ASTN2: variants seen among roughly 807,000 people sequenced by gnomAD.
The protein encoded by ASTN2 is astrotactin-2.
A neutral mutation model predicts 139.8 loss-of-function variants in ASTN2; 54 were observed. That is an observed-to-expected ratio of 0.39 (90% CI 0.31 to 0.48). ASTN2 has a LOEUF of 0.48. Among genes scored for constraint, ASTN2 ranks in the 20% least tolerant of loss-of-function variants. The probability of loss-of-function intolerance (pLI) is 0.95; values close to 1 mark genes in which losing one functional copy is unlikely to be tolerated. For missense variants in ASTN2, 1,565 were observed against 1,725.1 expected (o/e 0.91, Z 1.64); for synonymous variants, 756 against 719.5 (o/e 1.05, Z -0.81).
At chr9:117,046,696 A>T (rs1351749147) in intron 5 of ASTN2, among the ~76,000 whole-genome samples, 4 of 152,152 alleles carry the variant, frequency 2.6e-5, no homozygotes, top group African/African-American at 9.7e-5. Context: ...CAATGCCTTT[A>T]ATTGGGAATT....
chr9:116,993,928 G>A (rs1055249598), intron 7 of ASTN2, among the ~76,000 whole-genome samples: 7 of 148,142 alleles, frequency 4.7e-5, no homozygotes, highest in African/African-American at 9.9e-5. Context: ...CCCCTGCCCC[G>A]CAAGAATGTA....
chr9:117,128,149 AGTTAGTCCATCAGAAATCAGGGT>A (rs1402421971), intron 4 of ASTN2, among the ~76,000 whole-genome samples: 2 of 152,070 alleles, frequency 1.3e-5, no homozygotes, highest in Non-Finnish European at 2.9e-5. Flanking sequence ...GTGTGGCAAC[AGTTAGTCCATCAGAAATCAGGGT>A]CTGACATTCT....
At chr9:116,708,057 A>G (rs1320525393) in intron 16 of ASTN2, among the ~76,000 whole-genome samples, 1 of 152,176 alleles carries the variant, frequency 6.6e-6, no homozygotes, top group Non-Finnish European at 1.5e-5. Flanking sequence ...CAGCTTGCCA[A>G]AATGGGACGG....
intron 2 of ASTN2, among the ~76,000 whole-genome samples, chr9:117,264,452 C>G (rs1347222092): frequency 6.6e-6 from 1 of 152,162 alleles, no homozygotes; most frequent in Non-Finnish European, 1.5e-5. Context: ...CTTCCTCATA[C>G]CACTGTTATA....
chr9:116,906,464 CTT>C (rs1834164465), intron 10 of ASTN2, among the ~76,000 whole-genome samples: 3 of 152,026 alleles, frequency 2.0e-5, no homozygotes, highest in African/African-American at 7.2e-5. Flanking sequence ...CCCCCAGACA[CTT>C]TTGTCTTTCC....
At chr9:116,840,231 T>C (rs1324971825) in intron 11 of ASTN2, among the ~76,000 whole-genome samples, 88 of 149,470 alleles carry the variant, frequency 5.9e-4, no homozygotes, top group African/African-American at 1.9e-3. Flanking sequence ...GGCAGAACAA[T>C]TTTTCTTAGT....
intron 3 of ASTN2, among the ~76,000 whole-genome samples, chr9:117,171,660 A>C (rs1830796834): frequency 6.6e-6 from 1 of 151,984 alleles, no homozygotes; most frequent in Non-Finnish European, 1.5e-5. Context: ...TGGTTTTACA[A>C]GGGGCTCTTC....
chr9:117,220,827 C>G (rs7041533), intron 2 of ASTN2, among the ~76,000 whole-genome samples: 7,496 of 152,208 alleles, frequency 0.049, 353 homozygotes, highest in African/African-American at 0.13. Flanking sequence ...AAGGCACTGC[C>G]CTTGACCTCT....
chr9:117,259,026 A>T (rs1308373768), intron 2 of ASTN2, among the ~76,000 whole-genome samples: 2 of 152,180 alleles, frequency 1.3e-5, no homozygotes, highest in Non-Finnish European at 2.9e-5. Flanking sequence ...ATACAAAATA[A>T]TAAAAATAGC....
In ASTN2 at chr9:116,423,445, C is replaced by T. The variant is rs186950051; in HGVS notation, c.*2406G>A. Among the ~76,000 whole-genome samples, 342 of 152,268 alleles carry T rather than the reference C, an allele frequency of 2.2e-3. 1 individual carries two copies. The highest frequency in any genetic ancestry group is 7.8e-3 in the African/African-American group (326 of 41,562). Reference sequence around the variant, plus strand: ...TCAGGCTCAGATCACCACACCAGCACATTGAGTGCTGTAATTTTCTGCAAC... The same window carrying T: ...TCAGGCTCAGATCACCACACCAGCATATTGAGTGCTGTAATTTTCTGCAAC... On this transcript the variant is annotated 3_prime_UTR_variant, in exon 23 of 23. Transcript: ENST00000313400.
At chr9:116,918,802 T>C (rs1296248839) in intron 10 of ASTN2, among the ~76,000 whole-genome samples, 1 of 152,204 alleles carries the variant, frequency 6.6e-6, no homozygotes, top group Non-Finnish European at 1.5e-5. Context: ...GATTACAGTC[T>C]TATAAACATA....
chr9:116,905,727 G>A (rs536134531), intron 10 of ASTN2, among the ~76,000 whole-genome samples: 4 of 152,128 alleles, frequency 2.6e-5, no homozygotes, highest in Non-Finnish European at 5.9e-5. Context: ...AACCTGGAAG[G>A]TGAGGCTCAA....
At chr9:117,192,278 G>T (rs1831369969) in intron 3 of ASTN2, among the ~76,000 whole-genome samples, 1 of 152,030 alleles carries the variant, frequency 6.6e-6, no homozygotes, top group Admixed American at 6.6e-5. Context: ...GCAGAGGCAG[G>T]GTCTGGTCCA....
At chr9:116,465,623 A>G (rs1848626913) in intron 20 of ASTN2, among the ~76,000 whole-genome samples, 1 of 152,190 alleles carries the variant, frequency 6.6e-6, no homozygotes, top group Non-Finnish European at 1.5e-5. Context: ...ATAATAAATA[A>G]TAACAATACA....
At chr9:117,330,450 T>C (rs1828667316) in intron 1 of ASTN2, among the ~76,000 whole-genome samples, 1 of 152,190 alleles carries the variant, frequency 6.6e-6, no homozygotes, top group South Asian at 2.1e-4. Flanking sequence ...GTGATCTCCA[T>C]GCAAAGAGCA....
intron 20 of ASTN2, among the ~76,000 whole-genome samples, chr9:116,474,036 C>T (rs1848902040): frequency 6.6e-6 from 1 of 152,140 alleles, no homozygotes; most frequent in Non-Finnish European, 1.5e-5. Flanking sequence ...TGGAAAATGG[C>T]AATACCCTCA....
intron 10 of ASTN2, among the ~76,000 whole-genome samples, chr9:116,922,316 G>A (rs1004061893): frequency 6.6e-6 from 1 of 152,066 alleles, no homozygotes; most frequent in Non-Finnish European, 1.5e-5. Context: ...CCCTGTGTTT[G>A]GTTATGATTA....
chr9:117,188,184 GAGAGAGAGAC>G lies in ASTN2; in HGVS notation c.1015+26164_1015+26173del, dbSNP rs1383684935. Among the ~76,000 whole-genome samples, 11 of 66,854 alleles carry G rather than the reference GAGAGAGAGAC, an allele frequency of 1.6e-4. No homozygotes were observed. The East Asian group carries it at 5.1e-3, about 31-fold the overall frequency. The allele number at this position is 66,854 out of a possible 152,430, so 43.9% of individuals were successfully genotyped here. On this transcript the variant is annotated intron_variant, in intron 3 of 22. Transcript: ENST00000313400. Reference sequence around the variant, plus strand: ...TGTGTGATAGAGAGAGAGAGAGAGAGAGAGAGAGACAGAGAGAGAGAGAGAGAGGAAATCA... The same window carrying G: ...TGTGTGATAGAGAGAGAGAGAGAGAGAGAGAGAGAGAGAGAGAGGAAATCA...
chr9:116,464,065 G>A (rs1336431197), intron 20 of ASTN2, among the ~76,000 whole-genome samples: 1 of 151,874 alleles, frequency 6.6e-6, no homozygotes, highest in African/African-American at 2.4e-5. Flanking sequence ...TCTCTATATA[G>A]CCAGAATCTG....
Sources: gnomAD v4.1 joint callset for allele counts (sites outside exome capture counted in the v4.1 genomes callset) on GRCh38, gnomAD v4.1.1 for gene constraint, MANE v1.5 for transcripts, NCBI Gene and HGNC (gene_info 2026-07-23, HGNC 2026-07-21) for gene names.